Variants in TOLLIP observed in about 807,000 individuals in gnomAD.
The protein encoded by TOLLIP is toll-interacting protein.
Under a neutral mutation model 33.5 loss-of-function variants are expected in TOLLIP, and 16 were observed. The ratio of observed to expected loss-of-function variants is 0.48; its 90% CI spans 0.32 to 0.72. TOLLIP has a LOEUF of 0.72. Among genes scored for constraint, TOLLIP ranks in the 30% least tolerant of loss-of-function variants. The probability of loss-of-function intolerance (pLI) is 0.03; values close to 1 mark genes in which losing one functional copy is unlikely to be tolerated. For synonymous variants in TOLLIP, 176 were observed against 163.7 expected, an observed-to-expected ratio of 1.07 and a Z score of -0.57; for missense variants, 325 against 396.6, an observed-to-expected ratio of 0.82 and a Z score of 1.53.
intron 1 of TOLLIP, 141 bp from the exon 2 acceptor site, chr11:1,295,935 C>T: frequency 1.8e-6 from 2 of 1,134,002 alleles, no homozygotes; most frequent in Non-Finnish European, 2.4e-6. Context: ...GCCTCAGTTT[C>T]CTCATCTCTA....
In TOLLIP at chr11:1,277,102, T is replaced by A. The variant is rs764483427; in HGVS notation, c.762A>T (p.Glu254Asp). ...MDQEVIRSVL[E>D]AQRGNKDAAI... is the part of the protein sequence containing the mutation. ...CGGCATCCTTGTTCCCTCGCTGGGC[T>A]TCCAGCACGGAGCGGATCACCTCCT... The change falls in exon 6 of 6, where the codon GAA becomes GAT. Residue 254 changes from glutamate (E) to aspartate (D), a missense_variant. By Grantham distance (45) the Glu-to-Asp change is conservative. Coordinates refer to ENST00000317204, the MANE Select transcript of TOLLIP (RefSeq NM_019009.4). This position sits in a 1 kb window ranked among gnomAD's most constrained non-coding sequence, Gnocchi z 4.2. The A allele has an allele frequency of 6.2e-7, 1 of 1,614,134 alleles. No homozygotes were observed. Among genetic ancestry groups the A allele is most frequent in the Admixed American group, 1.7e-5 (1 of 60,032 alleles).
chr11:1,284,561 G>A (rs988949694), intron 5 of TOLLIP, among the ~76,000 whole-genome samples: 1 of 152,162 alleles, frequency 6.6e-6, no homozygotes, highest in African/African-American at 2.4e-5. Context: ...GTGTTGGCCA[G>A]GATGGTCTTG....
In TOLLIP at chr11:1,290,452, A is replaced by G. The variant is rs770587684; in HGVS notation, c.184-43T>C. ...TCAGGAAAAGGAGGTGCCAACCATC[A>G]GGAGAGGGTGGGTTCTCTAGGCCGT... On this transcript the variant is annotated intron_variant, in intron 2 of 5. Coordinates refer to ENST00000317204, the MANE Select transcript of TOLLIP (RefSeq NM_019009.4). The surrounding 1 kb of genome is among the most constrained non-coding windows in gnomAD (Gnocchi z 4.9). The G allele has an allele frequency of 1.9e-6, 3 of 1,593,466 alleles. No homozygotes were observed. In the South Asian group the frequency reaches 3.3e-5, roughly 18 times the overall value.
chr11:1,279,625 C>T (rs968715476), intron 5 of TOLLIP, among the ~76,000 whole-genome samples: 5 of 152,242 alleles, frequency 3.3e-5, no homozygotes, highest in Non-Finnish European at 5.9e-5. Flanking sequence ...CCACCAGCCA[C>T]CTGCACGCAC....
Position 1,275,813 on chromosome 11 carries a change from C to T in TOLLIP, c.*1226G>A, listed in dbSNP as rs896782634. The T allele has an allele frequency of 1.3e-5, 2 of 152,216 alleles. No individual in the cohort carries two copies. The highest frequency in any genetic ancestry group is 4.8e-5 in the African/African-American group (2 of 41,442). 9.4% of individuals were successfully genotyped at this position (152,216 alleles called of 1,614,324 possible). A position where few individuals can be genotyped will look rare whatever the true frequency, so the allele number is the denominator to read the frequency against. On this transcript the variant is annotated 3_prime_UTR_variant, in exon 6 of 6. Coordinates refer to ENST00000317204, the MANE Select transcript of TOLLIP (RefSeq NM_019009.4). ...TTCTGCATCTTCCACAGAAGACCCA[C>T]TTGTGGGCATTCTCTTTCTGTCCGT...
rs536718031 is a variant in TOLLIP, at chr11:1,276,599, A to G, written c.*440T>C. 42 of 1,162,442 alleles carry G rather than the reference A, an allele frequency of 3.6e-5. No homozygotes were observed. In the African/African-American group the frequency reaches 6.2e-4, roughly 17 times the overall value. The allele number at this position is 1,162,442 out of a possible 1,614,324, so 72.0% of individuals were successfully genotyped here. Reference sequence around the variant, plus strand: ...CGTGAGTTTTCGTCTGGGAAGTTCTAAAAAAAACCCACAGTGTGAGGGATT... The same window carrying G: ...CGTGAGTTTTCGTCTGGGAAGTTCTGAAAAAAACCCACAGTGTGAGGGATT... On this transcript the variant is annotated 3_prime_UTR_variant, in exon 6 of 6. Coordinates refer to ENST00000317204, the MANE Select transcript of TOLLIP (RefSeq NM_019009.4).
chr11:1,295,548 C>G, intron 2 of TOLLIP, 97 bp downstream of exon 2: 1 of 1,363,906 alleles, frequency 7.3e-7, no homozygotes, highest in Non-Finnish European at 9.8e-7. Context: ...GTTCTGTTTG[C>G]CCGCTTAGGA....
intron 4 of TOLLIP, among the ~76,000 whole-genome samples, chr11:1,286,666 G>A (rs1460074079): frequency 2.0e-5 from 3 of 151,780 alleles, no homozygotes; most frequent in African/African-American, 7.3e-5. Flanking sequence ...CTGTGGATAA[G>A]TCACTGCACC....
chr11:1,309,359 GC>G lies in TOLLIP; in HGVS notation c.33+106del, dbSNP rs1198804409. On this transcript the variant is annotated intron_variant, in intron 1 of 5. Transcript: ENST00000317204. ...CAGGCGCCCCGCGTGCCCCGGGAGA[GC>G]CGCGGAGTCGGCCCGCCAGCCGCAG... 3 of 613,010 alleles carry G rather than the reference GC, an allele frequency of 4.9e-6. No homozygotes were observed. In the African/African-American group the frequency reaches 5.9e-5, roughly 12 times the overall value. 38.0% of individuals were successfully genotyped at this position (613,010 alleles called of 1,614,324 possible). A position where few individuals can be genotyped will look rare whatever the true frequency, so the allele number is the denominator to read the frequency against.
chr11:1,309,446 C>A lies in TOLLIP; in HGVS notation c.33+20G>T, dbSNP rs1864528471. ...ACCGCAGGTCACCGCCCCCGCCCGA[C>A]CCTCGCCCGGCTGCCTCACCGGCCC... On this transcript the variant is annotated intron_variant, in intron 1 of 5. Transcript: ENST00000317204. 2 of 1,300,618 alleles carry A rather than the reference C, an allele frequency of 1.5e-6. No homozygotes were observed. Among genetic ancestry groups the A allele is most frequent in the Non-Finnish European group, 2.0e-6 (2 of 1,016,506 alleles). The allele number at this position is 1,300,618 out of a possible 1,614,324, so 80.6% of individuals were successfully genotyped here.
chr11:1,282,753 A>G (rs1863545512), intron 5 of TOLLIP, among the ~76,000 whole-genome samples: 1 of 151,934 alleles, frequency 6.6e-6, no homozygotes, highest in Non-Finnish European at 1.5e-5. Flanking sequence ...CACGTTGTGC[A>G]CATGTACCCT....
chr11:1,278,241 G>A lies in TOLLIP; in HGVS notation c.611-988C>T, dbSNP rs1385144433. ...ACAGGCAGCGTGCGCGGGGCTCGGC[G>A]ACCAGCGAGGCACAGAGCTCCTCCT... On this transcript the variant is annotated intron_variant, in intron 5 of 5. Transcript: ENST00000317204. The surrounding 1 kb of genome is among the most constrained non-coding windows in gnomAD (Gnocchi z 4.7). Among the ~76,000 whole-genome samples, 2 of 152,106 alleles carry A rather than the reference G, an allele frequency of 1.3e-5. No individual in the cohort carries two copies. Among genetic ancestry groups the A allele is most frequent in the African/African-American group, 2.4e-5 (1 of 41,416 alleles).
chr11:1,285,921 C>G, intron 5 of TOLLIP, 81 bp downstream of exon 5: 1 of 1,134,814 alleles, frequency 8.8e-7, no homozygotes, highest in Non-Finnish European at 1.3e-6. Context: ...GCGCTCTAAG[C>G]CCCGTTCCCT....
In TOLLIP at chr11:1,275,014, T is replaced by A. The variant is rs1863242772; in HGVS notation, c.*2025A>T. 1 of 152,100 alleles carries A rather than the reference T, an allele frequency of 6.6e-6. No homozygotes were observed. Among genetic ancestry groups the A allele is most frequent in the Non-Finnish European group, 1.5e-5 (1 of 68,012 alleles). The allele number at this position is 152,100 out of a possible 1,614,324, so 9.4% of individuals were successfully genotyped here. ...GAAGGAAAGAAGAATCTTATTTAAT[T>A]AAAGGCCTTGCAAAATGTGATTTGT... On this transcript the variant is annotated 3_prime_UTR_variant, in exon 6 of 6. Transcript: ENST00000317204.
chr11:1,278,239 G>C lies in TOLLIP; in HGVS notation c.611-986C>G, dbSNP rs534388981. Reference sequence around the variant, plus strand: ...GCACAGGCAGCGTGCGCGGGGCTCGGCGACCAGCGAGGCACAGAGCTCCTC... The same window carrying C: ...GCACAGGCAGCGTGCGCGGGGCTCGCCGACCAGCGAGGCACAGAGCTCCTC... On this transcript the variant is annotated intron_variant, in intron 5 of 5. Coordinates refer to ENST00000317204, the MANE Select transcript of TOLLIP (RefSeq NM_019009.4). The surrounding 1 kb of genome is among the most constrained non-coding windows in gnomAD (Gnocchi z 4.7). 1.0e-3 allele frequency among the ~76,000 whole-genome samples: 152 copies of C among 151,990 alleles called. No individual in the cohort carries two copies. Among genetic ancestry groups the C allele is most frequent in the South Asian group, 5.0e-3 (24 of 4,818 alleles).
chr11:1,304,617 T>C (rs903425832), intron 1 of TOLLIP, among the ~76,000 whole-genome samples: 12 of 152,216 alleles, frequency 7.9e-5, no homozygotes, highest in African/African-American at 2.7e-4. Context: ...TATTTATTCT[T>C]TAGCCGGGCA....
At chr11:1,288,845 A>C in intron 3 of TOLLIP, 69 bp from the exon 4 acceptor site, 1 of 1,536,560 alleles carries the variant, frequency 6.5e-7, no homozygotes, top group South Asian at 1.2e-5. Flanking sequence ...CAGCCGCACC[A>C]TCGTGGGCCC....
At chr11:1,301,686 A>G (rs1055639751) in intron 1 of TOLLIP, among the ~76,000 whole-genome samples, 2 of 152,170 alleles carry the variant, frequency 1.3e-5, no homozygotes, top group African/African-American at 4.8e-5. Context: ...GGAGGCCCCA[A>G]CACAGAAGCC....
intron 5 of TOLLIP, among the ~76,000 whole-genome samples, chr11:1,279,220 C>T (rs1484032289): frequency 2.0e-5 from 3 of 152,236 alleles, no homozygotes; most frequent in Non-Finnish European, 4.4e-5. Flanking sequence ...TGAATCCCAA[C>T]AGCACGGCCC....
Sources: gnomAD v4.1 joint callset for allele counts (sites outside exome capture counted in the v4.1 genomes callset) on GRCh38, gnomAD v4.1.1 for gene constraint, Gnocchi (gnomAD v3.1) non-coding constraint, MANE v1.5 for transcripts, NCBI Gene and HGNC (gene_info 2026-07-23, HGNC 2026-07-21) for gene names.